The following CECR2 variants were observed in gnomAD, a reference collection of about 807,000 sequenced individuals.
The protein encoded by CECR2 is CECR2 histone acetyl-lysine reader.
CECR2 carries 30 observed loss-of-function variants against 154.5 expected under a neutral mutation model. The ratio of observed to expected loss-of-function variants is 0.19; its 90% confidence interval spans 0.15 to 0.26. The LOEUF is 0.26. Among genes scored for constraint, CECR2 ranks in the 10% least tolerant of loss-of-function variants. CECR2 has a pLI of 1.00. For synonymous variants in CECR2, 725 were observed against 683.7 expected (o/e 1.06, Z -0.94); for missense variants, 1,743 against 1,829.3 (o/e 0.95, Z 0.86).
chr22:17,482,784 C>T (rs2895939), intron 2 of CECR2, among the ~76,000 whole-genome samples: 13,228 of 137,328 alleles, frequency 0.096, 799 homozygotes, highest in East Asian at 0.26. Flanking sequence ...TTTTTTGAGA[C>T]GGTGTCCTGC....
chr22:17,505,176 C>T (rs1391660858), intron 7 of CECR2, among the ~76,000 whole-genome samples, 160 bp downstream of exon 7: 1 of 152,066 alleles, frequency 6.6e-6, no homozygotes, highest in Non-Finnish European at 1.5e-5. Flanking sequence ...CCTCATGCCA[C>T]CCCCTCTCCT....
chr22:17,412,410 C>A (rs1211695026), intron 1 of CECR2, among the ~76,000 whole-genome samples: 1 of 152,190 alleles, frequency 6.6e-6, no homozygotes, highest in Non-Finnish European at 1.5e-5. Flanking sequence ...CCCACCCCCA[C>A]ACTCTTCACT....
chr22:17,377,280 G>A (rs1414891550), intron 1 of CECR2, among the ~76,000 whole-genome samples: 2 of 152,152 alleles, frequency 1.3e-5, no homozygotes, highest in Non-Finnish European at 2.9e-5. Context: ...CATCTTGTCT[G>A]CAAATAAGCT....
chr22:17,377,590 C>T (rs1423032553), intron 1 of CECR2, among the ~76,000 whole-genome samples: 1 of 152,162 alleles, frequency 6.6e-6, no homozygotes, highest in Non-Finnish European at 1.5e-5. Flanking sequence ...TTTCTTATAT[C>T]TCATGTCATC....
At chr22:17,481,432 GTTA>G (rs1372655111) in intron 2 of CECR2, among the ~76,000 whole-genome samples, 2 of 151,284 alleles carry the variant, frequency 1.3e-5, no homozygotes, top group African/African-American at 4.9e-5. Flanking sequence ...ATTCAGTAAA[GTTA>G]TTATGAGGAT....
intron 2 of CECR2, among the ~76,000 whole-genome samples, chr22:17,494,664 C>G (rs575964370): frequency 6.6e-6 from 1 of 152,258 alleles, no homozygotes; most frequent in East Asian, 1.9e-4. Flanking sequence ...AAAGATGTTT[C>G]TTCTCTCTTT....
chr22:17,440,206 A>G (rs1350617173), intron 1 of CECR2, among the ~76,000 whole-genome samples: 1 of 147,116 alleles, frequency 6.8e-6, no homozygotes, highest in Non-Finnish European at 1.5e-5. Flanking sequence ...TTTATATAAA[A>G]CTGTGTGTGT....
At position 17,510,042 on chromosome 22, in the gene CECR2, C is replaced by T. The variant is rs554361379; in HGVS notation, c.871-1771C>T. On this transcript the variant is annotated intron_variant, in intron 7 of 18. Coordinates refer to ENST00000262608, the MANE Select transcript of CECR2 (RefSeq NM_001290047.2). ...CTGGTAGAGCTTGTTGCTCATGTTA[C>T]AGAATATACAGCTTTATAAACTTTA... Among the ~76,000 whole-genome samples the T allele has an allele frequency of 2.8e-4, 42 of 152,212 alleles. No individual in the cohort carries two copies. In the South Asian group the frequency reaches 8.1e-3, roughly 29 times the overall value.
At chr22:17,444,089 C>T (rs1404917506) in intron 1 of CECR2, among the ~76,000 whole-genome samples, 1 of 152,218 alleles carries the variant, frequency 6.6e-6, no homozygotes, top group Admixed American at 6.5e-5. Context: ...ACTGGCAGTG[C>T]ACCCGGCCTC....
chr22:17,467,198 A>G (rs904724274), intron 1 of CECR2, among the ~76,000 whole-genome samples: 1 of 152,338 alleles, frequency 6.6e-6, no homozygotes, highest in East Asian at 1.9e-4. Flanking sequence ...CACTTCACTC[A>G]TATTTCATTG....
intron 1 of CECR2, among the ~76,000 whole-genome samples, chr22:17,458,502 G>C (rs1387708329): frequency 6.7e-6 from 1 of 150,210 alleles, no homozygotes; most frequent in East Asian, 1.9e-4. Context: ...GTAAAATGGT[G>C]CCATTGTGAG....
chr22:17,378,023 G>T (rs1318511274), intron 1 of CECR2, among the ~76,000 whole-genome samples: 1 of 152,144 alleles, frequency 6.6e-6, no homozygotes, highest in Non-Finnish European at 1.5e-5. Context: ...TTGCTCTGTT[G>T]CCCAGGCTGG....
chr22:17,416,816 A>T (rs1426426844), intron 1 of CECR2, among the ~76,000 whole-genome samples: 1 of 152,120 alleles, frequency 6.6e-6, no homozygotes, highest in African/African-American at 2.4e-5. Context: ...TCATACTATT[A>T]TAGATGGATC....
chr22:17,545,672 G>T (rs888510934), intron 16 of CECR2, among the ~76,000 whole-genome samples: 1 of 151,544 alleles, frequency 6.6e-6, no homozygotes, highest in Non-Finnish European at 1.5e-5. Flanking sequence ...GTGAAACTCT[G>T]TCTCTACTAA....
In CECR2 at chr22:17,500,694, A is replaced by AC; in HGVS notation, c.614dup (p.Arg207ThrfsTer12). ...GAAAAACGGGAAAAAGAAGAGGAAG[A>AC]CCCCCAAAACGGAAGAAACTGCAGG... is the stretch of plus-strand genomic sequence containing the variant. On this transcript the variant is annotated frameshift_variant, in exon 5 of 19. Transcript: ENST00000262608. LOFTEE classifies it high-confidence loss of function. 1 of 1,557,040 alleles carries AC rather than the reference A, an allele frequency of 6.4e-7. No individual in the cohort carries two copies. The highest frequency in any genetic ancestry group is 8.7e-7 in the Non-Finnish European group (1 of 1,150,478).
intron 1 of CECR2, among the ~76,000 whole-genome samples, chr22:17,440,496 C>G (rs186629916): frequency 6.6e-6 from 1 of 152,258 alleles, no homozygotes; most frequent in African/African-American, 2.4e-5. Context: ...CTCTGTAGGT[C>G]TCACTAGTAA....
chr22:17,549,836 G>A (rs2056681409), intron 17 of CECR2, among the ~76,000 whole-genome samples: 1 of 136,212 alleles, frequency 7.3e-6, no homozygotes, highest in South Asian at 2.3e-4. Context: ...GTGTTGCCCA[G>A]GCTGGTCCTA....
rs375474709 is a variant in CECR2 at position 17,517,962 on chromosome 22, CCA to C, written c.954+6067_954+6068del. Reference sequence around the variant, plus strand: ...CTCAGTCACTGTTGCAGATAAAATGCCAGCAGTGAGTGTTACTCACTGGCCCA... The same window carrying C: ...CTCAGTCACTGTTGCAGATAAAATGCGCAGTGAGTGTTACTCACTGGCCCA... On this transcript the variant is annotated intron_variant, in intron 8 of 18. Coordinates refer to ENST00000262608, the MANE Select transcript of CECR2 (RefSeq NM_001290047.2). Among the ~76,000 whole-genome samples, 35 of 152,272 alleles carry C rather than the reference CCA, an allele frequency of 2.3e-4. No individual in the cohort carries two copies. In the East Asian group the frequency reaches 5.6e-3, roughly 24 times the overall value.
At chr22:17,438,593 C>G (rs73876442) in intron 1 of CECR2, among the ~76,000 whole-genome samples, 1 of 151,762 alleles carries the variant, frequency 6.6e-6, no homozygotes. Flanking sequence ...AACACAAATT[C>G]GTAAACTTTC....
Sources: allele counts gnomAD v4.1 joint callset (sites outside exome capture counted in the v4.1 genomes callset), GRCh38; gene constraint gnomAD v4.1.1; transcripts MANE v1.5; gene names NCBI Gene and HGNC (gene_info 2026-07-23, HGNC 2026-07-21).